The following RAP1GDS1 variants were observed in gnomAD, a reference collection of about 807,000 sequenced individuals.
RAP1GDS1 encodes the protein Rap1 GTPase-GDP dissociation stimulator 1.
In RAP1GDS1, 35 loss-of-function variants were observed where a neutral mutation model predicts 71.1. The observed-to-expected ratio is 0.49, with a 90% CI of 0.38 to 0.65. The LOEUF (loss-of-function observed/expected upper bound fraction) is 0.65. RAP1GDS1 is among the 30% of genes least tolerant of loss of function. The pLI, the probability that RAP1GDS1 is intolerant of heterozygous loss-of-function variation, is 0.00. For missense variants in RAP1GDS1, 663 were observed against 706.1 expected (o/e 0.94, Z 0.69); for synonymous variants, 229 against 243.1 (o/e 0.94, Z 0.54).
intron 4 of RAP1GDS1, among the ~76,000 whole-genome samples, chr4:98,371,739 C>T (rs1467966733): frequency 2.0e-5 from 3 of 151,998 alleles, no homozygotes; most frequent in African/African-American, 7.2e-5. Context: ...ATTACAGGTA[C>T]GAGCCTCCGC....
At position 98,384,158 on chromosome 4, in the gene RAP1GDS1, C is replaced by T. The variant is rs1002056865; in HGVS notation, c.508+4995C>T. 8.6e-5 allele frequency among the ~76,000 whole-genome samples: 13 copies of T among 151,318 alleles called. No homozygotes were observed. In the South Asian group the frequency reaches 1.5e-3, roughly 17 times the overall value. On this transcript the variant is annotated intron_variant, in intron 5 of 14. Transcript: ENST00000408927. ...TGTCTTTTTTAATGAAACTAATTTT[C>T]CATCATACTACCTTACATGTATTTT... is the stretch of plus-strand genomic sequence containing the variant.
chr4:98,304,234 A>G (rs1728992960), intron 2 of RAP1GDS1, among the ~76,000 whole-genome samples: 1 of 152,182 alleles, frequency 6.6e-6, no homozygotes, highest in Admixed American at 6.5e-5. Flanking sequence ...GCTGGGTCAA[A>G]TGGTATTTCT....
chr4:98,328,417 T>C (rs1313519770), intron 2 of RAP1GDS1, among the ~76,000 whole-genome samples: 1 of 152,180 alleles, frequency 6.6e-6, no homozygotes, highest in Non-Finnish European at 1.5e-5. Flanking sequence ...GTCACCTCCT[T>C]GTCTTGGTTT....
chr4:98,325,912 T>TA (rs1322624384), intron 2 of RAP1GDS1, among the ~76,000 whole-genome samples: 1 of 60,946 alleles, frequency 1.6e-5, no homozygotes, highest in Non-Finnish European at 3.6e-5. Context: ...CCCTAAAACT[T>TA]AAAGTATTAA....
rs759221554 is a variant in RAP1GDS1, at chr4:98,261,555, C to T, written c.-11C>T. The T allele has an allele frequency of 6.2e-7, 1 of 1,601,554 alleles. No individual in the cohort carries two copies. Among genetic ancestry groups the T allele is most frequent in the East Asian group, 2.3e-5 (1 of 44,100 alleles). ...CCTCGCCCCGCCGGTTCCTCACCCT[C>T]GGGGAGCAACATGGGTAAGTCATCC... On this transcript the variant is annotated 5_prime_UTR_variant, in exon 1 of 15. Transcript: ENST00000408927.
intron 3 of RAP1GDS1, among the ~76,000 whole-genome samples, chr4:98,348,037 A>T (rs1736560293): frequency 6.6e-6 from 1 of 152,146 alleles, no homozygotes; most frequent in Admixed American, 6.5e-5. Flanking sequence ...ACATATGTAC[A>T]CATGTGCCAT....
chr4:98,378,815 T>C (rs1449796004), intron 4 of RAP1GDS1, among the ~76,000 whole-genome samples: 1 of 151,940 alleles, frequency 6.6e-6, no homozygotes, highest in Non-Finnish European at 1.5e-5. Flanking sequence ...GCTTAAAAAG[T>C]GATTGTCTCT....
In RAP1GDS1 at chr4:98,417,003, A is replaced by G. The variant is rs186779969; in HGVS notation, c.907+115A>G. On this transcript the variant is annotated intron_variant, in intron 8 of 14. Transcript: ENST00000408927. ...TTCTCATATTCCTATCTCACCTGCTATTGAGGTGATGATTTTGACATCTTA... is the reference window on the plus strand; with the variant it reads ...TTCTCATATTCCTATCTCACCTGCTGTTGAGGTGATGATTTTGACATCTTA... The G allele has an allele frequency of 1.1e-4, 126 of 1,166,308 alleles. No homozygotes were observed. In the East Asian group the frequency reaches 2.9e-3, roughly 27 times the overall value. 72.2% of individuals were successfully genotyped at this position (1,166,308 alleles called of 1,614,324 possible). A position where few individuals can be genotyped will look rare whatever the true frequency, so the allele number is the denominator to read the frequency against.
At position 98,286,917 on chromosome 4, in the gene RAP1GDS1, A is replaced by G. The variant is rs534883862; in HGVS notation, c.5-6491A>G. Among the ~76,000 whole-genome samples, 5 of 151,344 alleles carry G rather than the reference A, an allele frequency of 3.3e-5. No individual in the cohort carries two copies. The South Asian group carries it at 1.0e-3, about 32-fold the overall frequency. On this transcript the variant is annotated intron_variant, in intron 1 of 14. Transcript: ENST00000408927. ...AAAAAAAAAAAAAAAAAAAGAATGA[A>G]TGAAAAATTACTGCTTAGAAAATTT... is the stretch of plus-strand genomic sequence containing the variant.
rs374762462 is a variant in RAP1GDS1 at position 98,370,397 on chromosome 4, A to G, written c.362-8620A>G. The stretch of plus-strand genomic sequence containing the variant: ...TCTACCTATTGTGGATTCATTATTT[A>G]TAGATATTAGGTGAATGTATTCATG... On this transcript the variant is annotated intron_variant, in intron 4 of 14. Transcript: ENST00000408927. Among the ~76,000 whole-genome samples the G allele has an allele frequency of 4.6e-5, 7 of 152,262 alleles. No homozygotes were observed. The East Asian group carries it at 7.7e-4, about 17-fold the overall frequency.
intron 2 of RAP1GDS1, among the ~76,000 whole-genome samples, chr4:98,302,190 A>G (rs1424196122): frequency 1.3e-5 from 2 of 152,356 alleles, no homozygotes; most frequent in East Asian, 1.9e-4. Context: ...ACAGAACACC[A>G]TGACCTATAT....
intron 3 of RAP1GDS1, among the ~76,000 whole-genome samples, chr4:98,351,187 C>T (rs570108741): frequency 1.3e-4 from 20 of 152,112 alleles, no homozygotes; most frequent in South Asian, 2.1e-4. Flanking sequence ...AGTTTGATAA[C>T]GTCAATGATA....
chr4:98,380,397 AG>A (rs1463304598), intron 5 of RAP1GDS1, among the ~76,000 whole-genome samples: 10 of 151,966 alleles, frequency 6.6e-5, no homozygotes, highest in African/African-American at 2.4e-4. Flanking sequence ...AAGTATCTTC[AG>A]GCCTCATCCT....
intron 2 of RAP1GDS1, among the ~76,000 whole-genome samples, chr4:98,293,999 A>G (rs1727361119): frequency 1.3e-5 from 2 of 152,164 alleles, no homozygotes; most frequent in Admixed American, 1.3e-4. Context: ...TAAATTTGGA[A>G]GGAACCATTA....
intron 2 of RAP1GDS1, among the ~76,000 whole-genome samples, chr4:98,320,662 C>A (rs1242774386): frequency 2.0e-5 from 3 of 151,492 alleles, no homozygotes; most frequent in African/African-American, 7.3e-5. Context: ...CAGGGGCACA[C>A]TGACACCTCA....
At chr4:98,276,012 C>T (rs1020583794) in intron 1 of RAP1GDS1, among the ~76,000 whole-genome samples, 2 of 152,120 alleles carry the variant, frequency 1.3e-5, no homozygotes, top group African/African-American at 4.8e-5. Flanking sequence ...TAACAGAATA[C>T]TATATATTGG....
At chr4:98,431,883 G>A (rs1750461124) in intron 12 of RAP1GDS1, among the ~76,000 whole-genome samples, 3 of 152,106 alleles carry the variant, frequency 2.0e-5, no homozygotes, top group African/African-American at 7.2e-5. Flanking sequence ...TGATTTCATA[G>A]AATAGCTATT....
At chr4:98,436,861 A>C in intron 13 of RAP1GDS1, 79 bp from the exon 14 acceptor site, 1 of 1,369,054 alleles carries the variant, frequency 7.3e-7, no homozygotes, top group Non-Finnish European at 9.6e-7. Context: ...TCGTATGGTC[A>C]ATTTCTTCAA....
intron 2 of RAP1GDS1, among the ~76,000 whole-genome samples, chr4:98,331,162 G>A (rs576029968): frequency 7.2e-5 from 11 of 152,326 alleles, no homozygotes; most frequent in Middle Eastern, 3.4e-3. Flanking sequence ...CAGGCGTGGC[G>A]GCATGTGCCT....
Sources: allele counts gnomAD v4.1 joint callset (sites outside exome capture counted in the v4.1 genomes callset), GRCh38; gene constraint gnomAD v4.1.1; transcripts MANE v1.5; gene names NCBI Gene and HGNC (gene_info 2026-07-23, HGNC 2026-07-21).